MEI4: variants seen among roughly 807,000 people sequenced by gnomAD.
MEI4 encodes the protein meiotic double-stranded break formation protein 4.
In MEI4, 27 loss-of-function variants were observed where a neutral mutation model predicts 31.4. The ratio of observed to expected loss-of-function variants is 0.86; its 90% CI spans 0.63 to 1.19. MEI4 has a LOEUF of 1.19. Ranked by LOEUF, MEI4 falls within the 50% of genes most tolerant of loss-of-function variation. The pLI, the probability that MEI4 is intolerant of heterozygous loss-of-function variation, is 0.00. For missense variants in MEI4, 329 were observed against 398.9 expected (o/e 0.82, Z 1.49); for synonymous variants, 122 against 145.4 (o/e 0.84, Z 1.16).
chr6:77,757,787 G>GA (rs1406763118), intron 2 of MEI4, among the ~76,000 whole-genome samples: 1 of 152,090 alleles, frequency 6.6e-6, no homozygotes, highest in Non-Finnish European at 1.5e-5. Context: ...TTATTTATGT[G>GA]AAGAATGAAG....
chr6:77,909,441 TAAACTA>T (rs1421305330), intron 4 of MEI4, among the ~76,000 whole-genome samples: 2 of 151,928 alleles, frequency 1.3e-5, no homozygotes, highest in African/African-American at 4.8e-5. Flanking sequence ...TCTATGCAAA[TAAACTA>T]GAAAATGTAA....
At chr6:77,711,002 C>G (rs1460894842) in intron 2 of MEI4, among the ~76,000 whole-genome samples, 5 of 152,076 alleles carry the variant, frequency 3.3e-5, no homozygotes, top group Non-Finnish European at 7.4e-5. Context: ...AGAATGGAAC[C>G]CCCATTCTAT....
intron 4 of MEI4, among the ~76,000 whole-genome samples, chr6:77,877,668 G>C (rs190662171): frequency 6.9e-6 from 1 of 144,094 alleles, no homozygotes; most frequent in Non-Finnish European, 1.5e-5. Context: ...TAATAGTTTT[G>C]TTTTGGAGGG....
chr6:77,652,536 A>G (rs6902089), upstream of MEI4, among the ~76,000 whole-genome samples: 2,670 of 152,298 alleles, frequency 0.018, 72 homozygotes, highest in African/African-American at 0.061. Flanking sequence ...CGACATTGAA[A>G]GAGCTGAGAG....
intron 2 of MEI4, among the ~76,000 whole-genome samples, chr6:77,732,990 G>T (rs1209573660): frequency 1.3e-5 from 2 of 151,584 alleles, no homozygotes; most frequent in Admixed American, 6.6e-5. Context: ...CTTGATGATG[G>T]TGGATAAGCT....
At chr6:77,886,467 G>T (rs1771621849) in intron 4 of MEI4, among the ~76,000 whole-genome samples, 1 of 151,292 alleles carries the variant, frequency 6.6e-6, no homozygotes, top group Non-Finnish European at 1.5e-5. Context: ...GTCTCACTCT[G>T]TTGCCCAAGC....
chr6:77,688,590 C>T (rs1769101457), intron 1 of MEI4, among the ~76,000 whole-genome samples: 1 of 152,106 alleles, frequency 6.6e-6, no homozygotes, highest in Non-Finnish European at 1.5e-5. Context: ...AATATCTCTG[C>T]AGGATGACAG....
rs145088042 is a variant in MEI4, at chr6:77,869,114, C to A, written c.900+40052C>A. On this transcript the variant is annotated intron_variant, in intron 4 of 4. Transcript: ENST00000684080. ...ACTGATTTAGGTGATGGGAATATTG[C>A]AGTAAGCAAAGCAAAGTGCTTCCTG... 1.4e-3 allele frequency among the ~76,000 whole-genome samples: 208 copies of A among 152,182 alleles called. 1 individual carries two copies. Among genetic ancestry groups the A allele is most frequent in the African/African-American group, 4.4e-3 (182 of 41,510 alleles).
intron 4 of MEI4, among the ~76,000 whole-genome samples, chr6:77,891,596 AT>A (rs932048059): frequency 2.0e-5 from 3 of 151,034 alleles, no homozygotes; most frequent in Non-Finnish European, 4.4e-5. Flanking sequence ...ATTATTTTGA[AT>A]TTTTTTTCAG....
intron 1 of MEI4, among the ~76,000 whole-genome samples, chr6:77,690,411 G>A (rs1443036718): frequency 6.6e-6 from 1 of 151,950 alleles, no homozygotes; most frequent in South Asian, 2.1e-4. Context: ...TCCATCCCAA[G>A]AAGTTGTCAA....
intron 4 of MEI4, among the ~76,000 whole-genome samples, chr6:77,873,179 C>T (rs1377045386): frequency 6.6e-6 from 1 of 152,226 alleles, no homozygotes; most frequent in East Asian, 1.9e-4. Flanking sequence ...AATCACCACA[C>T]TGACTTCCAC....
intron 2 of MEI4, among the ~76,000 whole-genome samples, chr6:77,695,829 C>T (rs1374604502): frequency 6.6e-6 from 1 of 152,146 alleles, no homozygotes; most frequent in Admixed American, 6.5e-5. Flanking sequence ...ATGGGGATGG[C>T]ATTGAATCTG....
Position 77,795,056 on chromosome 6 carries a change from T to C in MEI4, c.768+33391T>C, listed in dbSNP as rs1176153016. ...AATAGAAACACAACATAGCCTAGCT[T>C]ATGGGTTGTAGTAAAAGCAGTTCTA... On this transcript the variant is annotated intron_variant, in intron 3 of 4. Coordinates refer to ENST00000684080, the MANE Select transcript of MEI4 (RefSeq NM_001322247.2). 2.0e-5 allele frequency among the ~76,000 whole-genome samples: 3 copies of C among 152,272 alleles called. No homozygotes were observed. The East Asian group carries it at 5.8e-4, about 29-fold the overall frequency.
intron 2 of MEI4, among the ~76,000 whole-genome samples, chr6:77,746,654 T>G (rs1767615854): frequency 6.6e-6 from 1 of 151,580 alleles, no homozygotes; most frequent in Admixed American, 6.6e-5. Context: ...TGTGTGTGTG[T>G]GTGTGTGTGT....
chr6:77,797,931 G>T lies in MEI4; in HGVS notation c.769-31000G>T, dbSNP rs112404077. The stretch of plus-strand genomic sequence containing the variant: ...TTCAATCCAATTAAGTTGACACCTA[G>T]TATTAACCATCACACTTAGTAAAGT... On this transcript the variant is annotated intron_variant, in intron 3 of 4. Coordinates refer to ENST00000684080, the MANE Select transcript of MEI4 (RefSeq NM_001322247.2). Among the ~76,000 whole-genome samples the T allele has an allele frequency of 5.2e-3, 792 of 152,150 alleles. 7 individuals carry two copies. The highest frequency in any genetic ancestry group is 0.019 in the African/African-American group (773 of 41,514).
chr6:77,919,648 CAG>C (rs1330368123), intron 4 of MEI4, among the ~76,000 whole-genome samples: 6 of 149,724 alleles, frequency 4.0e-5, no homozygotes, highest in Non-Finnish European at 8.9e-5. Context: ...TAACTAAAAT[CAG>C]AGCAGAACTG....
At chr6:77,673,965 C>T (rs1357841466) in intron 1 of MEI4, among the ~76,000 whole-genome samples, 1 of 152,070 alleles carries the variant, frequency 6.6e-6, no homozygotes, top group African/African-American at 2.4e-5. Context: ...TATTGCTTAT[C>T]CCTTCTAAAA....
At chr6:77,880,835 T>C (rs1389784480) in intron 4 of MEI4, among the ~76,000 whole-genome samples, 1 of 152,110 alleles carries the variant, frequency 6.6e-6, no homozygotes, top group Non-Finnish European at 1.5e-5. Context: ...GGATAGAAAT[T>C]TTCCTTTCTG....
chr6:77,804,816 A>G (rs1769384828), intron 3 of MEI4, among the ~76,000 whole-genome samples: 1 of 152,212 alleles, frequency 6.6e-6, no homozygotes, highest in African/African-American at 2.4e-5. Flanking sequence ...ACTCATCTAT[A>G]CATGATAGCT....
Sources: gnomAD v4.1 joint callset for allele counts (sites outside exome capture counted in the v4.1 genomes callset) on GRCh38, gnomAD v4.1.1 for gene constraint, MANE v1.5 for transcripts, NCBI Gene and HGNC (gene_info 2026-07-23, HGNC 2026-07-21) for gene names.